ZNF804A: variants seen among roughly 807,000 people sequenced by gnomAD.
ZNF804A encodes zinc finger protein 804A.
Under a neutral mutation model 16.5 loss-of-function variants are expected in ZNF804A, and 2 were observed. The ratio of observed to expected loss-of-function variants is 0.12; its 90% CI spans 0.05 to 0.38. The LOEUF (loss-of-function observed/expected upper bound fraction) is 0.38, where lower values mean the gene tolerates loss of function less well. Among genes scored for constraint, ZNF804A ranks in the 10% least tolerant of loss-of-function variants. ZNF804A has a pLI of 0.99. For missense variants in ZNF804A, 1,473 were observed against 1,390.7 expected, an observed-to-expected ratio of 1.06 and a Z score of -0.94; for synonymous variants, 534 against 489.6, an observed-to-expected ratio of 1.09 and a Z score of -1.20.
At chr2:184,713,681 T>C (rs1456927314) in intron 1 of ZNF804A, among the ~76,000 whole-genome samples, 1 of 151,974 alleles carries the variant, frequency 6.6e-6, no homozygotes, top group South Asian at 2.1e-4. Context: ...TATCACAGGA[T>C]TATCATTAAA....
rs1685830378 is a variant in ZNF804A at position 184,938,358 on chromosome 2, C to A, written c.2962C>A (p.Pro988Thr). 1.2e-6 allele frequency: 2 copies of A among 1,613,990 alleles called. No homozygotes were observed. The highest frequency in any genetic ancestry group is 2.2e-5 in the East Asian group (1 of 44,872). ...ALPQGKMNET[P>T]TEWLRYNSGI... is the part of the protein sequence containing the mutation. ...TCCACAAGGAAAGATGAATGAGACACCAACTGAGTGGCTGCGTTATAATTC... is the reference window on the plus strand; with the variant it reads ...TCCACAAGGAAAGATGAATGAGACAACAACTGAGTGGCTGCGTTATAATTC... Residue 988 changes from proline to threonine, a missense_variant, in exon 4 of 4, where the codon CCA becomes ACA. By Grantham distance (38) the Pro-to-Thr change is conservative (BLOSUM62 -1). Coordinates refer to ENST00000302277, the MANE Select transcript of ZNF804A (RefSeq NM_194250.2).
chr2:184,625,172 G>A (rs1691476564), intron 1 of ZNF804A, among the ~76,000 whole-genome samples: 1 of 152,090 alleles, frequency 6.6e-6, no homozygotes, highest in Non-Finnish European at 1.5e-5. Context: ...AATAATAAAT[G>A]TGGGTTTTTC....
intron 1 of ZNF804A, among the ~76,000 whole-genome samples, chr2:184,633,495 G>T (rs1386221152): frequency 6.6e-6 from 1 of 152,156 alleles, no homozygotes; most frequent in East Asian, 1.9e-4. Flanking sequence ...ACCAGTAGAT[G>T]TCAGTCTGGG....
chr2:184,904,112 A>G (rs746103880), intron 2 of ZNF804A, among the ~76,000 whole-genome samples: 2 of 152,082 alleles, frequency 1.3e-5, no homozygotes, highest in Non-Finnish European at 2.9e-5. Context: ...TTAAAATTCA[A>G]TTTGCAACAC....
At chr2:184,887,772 A>G (rs979907118) in intron 2 of ZNF804A, among the ~76,000 whole-genome samples, 1 of 152,162 alleles carries the variant, frequency 6.6e-6, no homozygotes, top group Non-Finnish European at 1.5e-5. Context: ...TCCCTCCCAC[A>G]ATACATGGGA....
intron 1 of ZNF804A, among the ~76,000 whole-genome samples, chr2:184,785,943 G>C (rs1029741480): frequency 6.6e-6 from 1 of 151,980 alleles, no homozygotes; most frequent in Admixed American, 6.6e-5. Context: ...AGCAGAATCT[G>C]GGGCAGAAAT....
intron 1 of ZNF804A, among the ~76,000 whole-genome samples, chr2:184,744,272 T>G (rs1298738753): frequency 2.6e-5 from 4 of 151,912 alleles, no homozygotes; most frequent in Non-Finnish European, 2.9e-5. Flanking sequence ...ATTGCAATTA[T>G]TTTGTATTAT....
At chr2:184,636,642 T>A (rs1020689113) in intron 1 of ZNF804A, among the ~76,000 whole-genome samples, 3 of 151,998 alleles carry the variant, frequency 2.0e-5, no homozygotes, top group African/African-American at 7.2e-5. Context: ...CAAAGCAGTG[T>A]GTGTACTTCA....
intron 1 of ZNF804A, among the ~76,000 whole-genome samples, chr2:184,777,506 T>C (rs756973129): frequency 2.6e-5 from 4 of 151,584 alleles, no homozygotes; most frequent in East Asian, 3.9e-4. Context: ...CCTTCACTTC[T>C]ATCTTTACCT....
intron 1 of ZNF804A, among the ~76,000 whole-genome samples, chr2:184,642,821 G>A (rs1001120456): frequency 6.6e-5 from 10 of 152,050 alleles, no homozygotes; most frequent in African/African-American, 2.2e-4. Flanking sequence ...AACTATTCCT[G>A]TATTCTAATA....
intron 1 of ZNF804A, among the ~76,000 whole-genome samples, chr2:184,668,541 C>T (rs1432854483): frequency 6.6e-6 from 1 of 151,768 alleles, no homozygotes; most frequent in Non-Finnish European, 1.5e-5. Context: ...CACAATAAAA[C>T]ATGGTAGGAA....
intron 1 of ZNF804A, among the ~76,000 whole-genome samples, chr2:184,632,463 T>C (rs550567886): frequency 6.6e-6 from 1 of 152,286 alleles, no homozygotes; most frequent in South Asian, 2.1e-4. Flanking sequence ...GGAGGCAATC[T>C]CAGCTTACTG....
chr2:184,901,370 A>T (rs995675062), intron 2 of ZNF804A, among the ~76,000 whole-genome samples: 1 of 152,094 alleles, frequency 6.6e-6, no homozygotes, highest in Admixed American at 6.6e-5. Context: ...AATTGAAAGA[A>T]AGTTTTGGCC....
At chr2:184,771,278 A>G (rs985645829) in intron 1 of ZNF804A, among the ~76,000 whole-genome samples, 26 of 152,178 alleles carry the variant, frequency 1.7e-4, no homozygotes, top group African/African-American at 6.3e-4. Context: ...AGAGGAGAAA[A>G]TATCAGCAAT....
At chr2:184,824,724 GC>G (rs901109484) in intron 1 of ZNF804A, among the ~76,000 whole-genome samples, 2 of 152,106 alleles carry the variant, frequency 1.3e-5, no homozygotes, top group Non-Finnish European at 2.9e-5. Context: ...TTTGTCTCTT[GC>G]CTATGGTATT....
At chr2:184,808,869 A>G (rs889031762) in intron 1 of ZNF804A, among the ~76,000 whole-genome samples, 2 of 151,818 alleles carry the variant, frequency 1.3e-5, no homozygotes, top group African/African-American at 4.8e-5. Context: ...CCACAAGCAT[A>G]TTTGTTAACC....
chr2:184,772,514 ATATT>A (rs1243017298), intron 1 of ZNF804A, among the ~76,000 whole-genome samples: 3 of 151,862 alleles, frequency 2.0e-5, no homozygotes, highest in Non-Finnish European at 1.5e-5. Context: ...TATATATAAA[ATATT>A]TGTTTATTCA....
At chr2:184,903,462 A>C (rs578262712) in intron 2 of ZNF804A, among the ~76,000 whole-genome samples, 3 of 152,266 alleles carry the variant, frequency 2.0e-5, no homozygotes, top group Admixed American at 2.0e-4. Context: ...AATAGGCTAT[A>C]CCATAGAGCC....
intron 1 of ZNF804A, among the ~76,000 whole-genome samples, chr2:184,618,353 C>T (rs1168636176): frequency 6.6e-6 from 1 of 152,078 alleles, no homozygotes; most frequent in Non-Finnish European, 1.5e-5. Context: ...GTTTGTTTTT[C>T]ACCTTATTAC....
Sources: gnomAD v4.1 joint callset for allele counts (sites outside exome capture counted in the v4.1 genomes callset) on GRCh38, gnomAD v4.1.1 for gene constraint, MANE v1.5 for transcripts, NCBI Gene and HGNC (gene_info 2026-07-23, HGNC 2026-07-21) for gene names.